Variants in CDH17 observed in about 807,000 individuals in gnomAD.
CDH17 encodes the protein cadherin-17.
A neutral mutation model predicts 86.3 loss-of-function variants in CDH17; 67 were observed. The ratio of observed to expected loss-of-function variants is 0.78; its 90% CI spans 0.64 to 0.95. The LOEUF is 0.95. Ranked by LOEUF, CDH17 falls within the 40% of genes least tolerant of loss-of-function variation. The pLI is 0.00. For synonymous variants in CDH17, 367 were observed against 366.4 expected (o/e 1.00, Z -0.02); for missense variants, 993 against 1,017.6 (o/e 0.98, Z 0.33).
Position 94,182,003 on chromosome 8 carries a change from A to G in CDH17, c.151-4282T>C, listed in dbSNP as rs12544356. 3.9e-3 allele frequency among the ~76,000 whole-genome samples: 587 copies of G among 152,232 alleles called. 14 individuals carry two copies. The highest frequency in any genetic ancestry group is 0.031 in the Admixed American group (471 of 15,292). On this transcript the variant is annotated intron_variant, in intron 3 of 17. Coordinates refer to ENST00000027335, the MANE Select transcript of CDH17 (RefSeq NM_004063.4). ...AGTATTAAAGAGAATATTGTGAACA[A>G]TTGTTTTCCCACAAATTAGACAACC...
At chr8:94,172,787 G>A (rs1351960653) in intron 7 of CDH17, among the ~76,000 whole-genome samples, 1 of 152,120 alleles carries the variant, frequency 6.6e-6, no homozygotes, top group Admixed American at 6.5e-5. Context: ...AAGGTAGGAG[G>A]GGGCCCAGGG....
chr8:94,199,468 T>C (rs940535621), intron 1 of CDH17, among the ~76,000 whole-genome samples: 7 of 151,972 alleles, frequency 4.6e-5, no homozygotes, highest in Non-Finnish European at 7.4e-5. Flanking sequence ...CTAATTTTTT[T>C]TTTTTTAACA....
Position 94,162,111 on chromosome 8 carries a change from T to C in CDH17, c.1334A>G (p.Gln445Arg). The C allele has an allele frequency of 1.9e-6, 3 of 1,604,594 alleles. No homozygotes were observed. The highest frequency in any genetic ancestry group is 2.6e-6 in the Non-Finnish European group (3 of 1,171,454). The change falls in exon 11 of 18, where the codon CAG becomes CGG. Residue 445 changes from glutamine to arginine, a missense_variant. Transcript: ENST00000027335. Reference protein sequence around the residue: ...VQINVIDINDQIPIFEKSDYG... With the variant: ...VQINVIDINDRIPIFEKSDYG... ...ATCTGATTTTTCAAAGATGGGGATC[T>C]GATCATTGATATCAATAACGTTGAT...
intron 15 of CDH17, among the ~76,000 whole-genome samples, chr8:94,143,271 T>C (rs563134556): frequency 1.3e-5 from 2 of 152,290 alleles, no homozygotes; most frequent in East Asian, 1.9e-4. Context: ...AGCAGTAATA[T>C]GTTGAGAGGA....
chr8:94,160,776 G>T (rs935608437), intron 11 of CDH17, among the ~76,000 whole-genome samples: 2 of 152,318 alleles, frequency 1.3e-5, no homozygotes, highest in South Asian at 4.1e-4. Flanking sequence ...CACATAGTAA[G>T]TGCTCAATAA....
intron 13 of CDH17, among the ~76,000 whole-genome samples, chr8:94,149,304 G>T (rs1474312577): frequency 6.6e-6 from 1 of 152,036 alleles, no homozygotes; most frequent in Non-Finnish European, 1.5e-5. Flanking sequence ...GAAACGTTGG[G>T]CGAGATGGGT....
chr8:94,159,033 C>T (rs963609749), intron 12 of CDH17, among the ~76,000 whole-genome samples: 5 of 152,306 alleles, frequency 3.3e-5, no homozygotes, highest in African/African-American at 4.8e-5. Context: ...CCCTTTTTAA[C>T]AGCGAGGTTT....
At position 94,130,979 on chromosome 8, in the gene CDH17, T is replaced by C; in HGVS notation, c.2181A>G (p.Arg727=). ...CAAACTCTGTGTGCCTGGTAGACAG[T>C]CGGGCATGAGTACCTGCCAGGACAG... ...EVSKINGTHA[R]LSTRHTEFEE... The change falls in exon 16 of 18, where the codon CGA becomes CGG. Residue 727 remains arginine (R), a synonymous_variant. Transcript: ENST00000027335. 6.3e-7 allele frequency: 1 copy of C among 1,580,184 alleles called. No individual in the cohort carries two copies. The highest frequency in any genetic ancestry group is 8.7e-7 in the Non-Finnish European group (1 of 1,149,360).
chr8:94,161,167 G>T (rs1813043990), intron 11 of CDH17, among the ~76,000 whole-genome samples: 1 of 152,186 alleles, frequency 6.6e-6, no homozygotes, highest in South Asian at 2.1e-4. Flanking sequence ...TCGATAAAAG[G>T]CGAGGAGGTC....
intron 3 of CDH17, among the ~76,000 whole-genome samples, chr8:94,181,939 G>A (rs1272000249): frequency 1.3e-5 from 2 of 151,956 alleles, no homozygotes; most frequent in African/African-American, 4.8e-5. Context: ...CTAGAATCAG[G>A]AATATAAGAG....
intron 1 of CDH17, chr8:94,201,973 G>T (rs1238733943): frequency 1.3e-5 from 3 of 231,852 alleles, no homozygotes; most frequent in Non-Finnish European, 2.6e-5. Context: ...ATTGCAGGTA[G>T]CCCTGGAGCT....
chr8:94,199,063 ATATATATATATATATATATAT>A (rs1311419038), intron 1 of CDH17, among the ~76,000 whole-genome samples: 277 of 21,234 alleles, frequency 0.013, 7 homozygotes, highest in African/African-American at 0.04. Flanking sequence ...ATATATATAT[ATATATATATATATATATATAT>A]TTTTTTTTTT....
chr8:94,212,321 T>G (rs1257596665), upstream of CDH17, among the ~76,000 whole-genome samples: 2 of 152,102 alleles, frequency 1.3e-5, no homozygotes, highest in East Asian at 3.9e-4. Flanking sequence ...ATATCCCATT[T>G]TTTTTGTAGA....
intron 13 of CDH17, 73 bp downstream of exon 13, chr8:94,151,795 G>A: frequency 6.3e-7 from 1 of 1,593,100 alleles, no homozygotes; most frequent in Non-Finnish European, 8.6e-7. Flanking sequence ...AGTCAGTGCA[G>A]GCCAGCTCCT....
intron 3 of CDH17, among the ~76,000 whole-genome samples, chr8:94,184,458 A>G (rs1453405507): frequency 6.6e-6 from 1 of 152,242 alleles, no homozygotes; most frequent in Non-Finnish European, 1.5e-5. Context: ...TATGGTACAT[A>G]AAAGAAGTCA....
chr8:94,137,999 G>A (rs1023636703), intron 15 of CDH17, among the ~76,000 whole-genome samples: 7 of 151,982 alleles, frequency 4.6e-5, no homozygotes, highest in African/African-American at 1.7e-4. Flanking sequence ...ACATTTATAG[G>A]CCTCAAAATC....
In CDH17 at chr8:94,183,586, T is replaced by C. The variant is rs576659719; in HGVS notation, c.150+5601A>G. 1.6e-4 allele frequency among the ~76,000 whole-genome samples: 25 copies of C among 152,060 alleles called. 1 individual carries two copies. The South Asian group carries it at 4.4e-3, about 27-fold the overall frequency. ...ACTCAAAATGGATCAAAGACCTAAA[T>C]AGAAAAACTAAAACTATAAAACTCT... is the stretch of plus-strand genomic sequence containing the variant. On this transcript the variant is annotated intron_variant, in intron 3 of 17. Transcript: ENST00000027335.
chr8:94,154,488 C>T (rs1188049831), intron 12 of CDH17, among the ~76,000 whole-genome samples: 1 of 152,134 alleles, frequency 6.6e-6, no homozygotes, highest in Non-Finnish European at 1.5e-5. Flanking sequence ...ATTTTAAACT[C>T]ATGGAGGATG....
At chr8:94,156,712 G>A (rs1311090681) in intron 12 of CDH17, among the ~76,000 whole-genome samples, 1 of 152,182 alleles carries the variant, frequency 6.6e-6, no homozygotes, top group African/African-American at 2.4e-5. Context: ...GCCCCCTTAG[G>A]CAACAGGGGA....
Sources: gnomAD v4.1 joint callset for allele counts (sites outside exome capture counted in the v4.1 genomes callset) on GRCh38, gnomAD v4.1.1 for gene constraint, MANE v1.5 for transcripts, NCBI Gene and HGNC (gene_info 2026-07-23, HGNC 2026-07-21) for gene names.